Variants in PRRG2 observed in about 807,000 individuals in gnomAD.
PRRG2 encodes the protein transmembrane gamma-carboxyglutamic acid protein 2.
Under a neutral mutation model 27.1 loss-of-function variants are expected in PRRG2, and 23 were observed. The ratio of observed to expected loss-of-function variants is 0.85; its 90% CI spans 0.61 to 1.20. The LOEUF (loss-of-function observed/expected upper bound fraction) is 1.20, where lower values mean the gene tolerates loss of function less well. Among genes scored for constraint, PRRG2 ranks in the 50% most tolerant of loss-of-function variants. The probability of loss-of-function intolerance (pLI) is 0.00; values close to 1 mark genes in which losing one functional copy is unlikely to be tolerated. For missense variants in PRRG2, 276 were observed against 254.8 expected, an observed-to-expected ratio of 1.08 and a Z score of -0.57; for synonymous variants, 104 against 103.4, an observed-to-expected ratio of 1.01 and a Z score of -0.03.
At chr19:49,582,740 C>CA (rs2080637181) in intron 1 of PRRG2, among the ~76,000 whole-genome samples, 2 of 151,930 alleles carry the variant, frequency 1.3e-5, no homozygotes, top group Non-Finnish European at 2.9e-5. Flanking sequence ...TGGTGGCCGG[C>CA]ACCTGTAGTC....
At chr19:49,584,619 T>C (rs2890072) in intron 4 of PRRG2, among the ~76,000 whole-genome samples, 54,799 of 151,994 alleles carry the variant, frequency 0.36, 12,077 homozygotes, top group African/African-American at 0.63. Flanking sequence ...CAGGCACACA[T>C]TACCATGGTA....
chr19:49,590,714 C>A lies in PRRG2; in HGVS notation c.*325C>A. On this transcript the variant is annotated 3_prime_UTR_variant, in exon 7 of 7. Coordinates refer to ENST00000246794, the MANE Select transcript of PRRG2 (RefSeq NM_000951.3). Reference sequence around the variant, plus strand: ...AGGAGCCCAGCCCCGGCTGTGCCATCTTGTGTATGGGCAGATATGACCTGA... The same window carrying A: ...AGGAGCCCAGCCCCGGCTGTGCCATATTGTGTATGGGCAGATATGACCTGA... 1 of 447,722 alleles carries A rather than the reference C, an allele frequency of 2.2e-6. No individual in the cohort carries two copies. Among genetic ancestry groups the A allele is most frequent in the Non-Finnish European group, 4.1e-6 (1 of 245,064 alleles). The allele number at this position is 447,722 out of a possible 1,614,324, so 27.7% of individuals were successfully genotyped here.
chr19:49,583,868 G>A, intron 3 of PRRG2, 45 bp from the exon 4 acceptor site: 13 of 1,609,148 alleles, frequency 8.1e-6, no homozygotes, highest in Non-Finnish European at 1.1e-5. Context: ...CCTCCCAGCT[G>A]AATTCCTGCT....
At chr19:49,583,141 C>A in intron 1 of PRRG2, 66 bp from the exon 2 acceptor site, 1 of 1,346,836 alleles carries the variant, frequency 7.4e-7, no homozygotes, top group Non-Finnish European at 1.0e-6. Flanking sequence ...AGAGGCCAGT[C>A]AGAGAGGCAC....
upstream of PRRG2, among the ~76,000 whole-genome samples, chr19:49,581,082 TACCTAGAG>T (rs888420411): frequency 3.2e-4 from 49 of 152,162 alleles, no homozygotes; most frequent in African/African-American, 1.1e-3. Flanking sequence ...AGTTTCTAGA[TACCTAGAG>T]ACCTAGATAT....
intron 5 of PRRG2, among the ~76,000 whole-genome samples, chr19:49,589,014 T>C (rs572892866): frequency 3.3e-4 from 50 of 151,798 alleles, no homozygotes; most frequent in South Asian, 1.2e-3. Flanking sequence ...AGCACCTGAG[T>C]GGGTGTGGGA....
chr19:49,589,997 G>A lies in PRRG2; in HGVS notation c.535G>A (p.Glu179Lys). The A allele has an allele frequency of 6.7e-7, 1 of 1,490,938 alleles. No individual in the cohort carries two copies. The highest frequency in any genetic ancestry group is 9.0e-7 in the Non-Finnish European group (1 of 1,115,050). The allele number at this position is 1,490,938 out of a possible 1,614,324, so 92.4% of individuals were successfully genotyped here. ...PPPPPGLPTYEQALAASGVHD... is the reference protein window; with the variant it reads ...PPPPPGLPTYKQALAASGVHD... The stretch of plus-strand genomic sequence containing the variant: ...CCCACCCCCAGGCCTCCCCACCTAT[G>A]AGCAGGCGCTGGCAGCCTCTGGGGT... The change falls in exon 6 of 7, where the codon GAG becomes AAG. Residue 179 changes from glutamate (E) to lysine (K), a missense_variant. Glu to Lys is a moderately conservative substitution (Grantham distance 56, BLOSUM62 1). Coordinates refer to ENST00000246794, the MANE Select transcript of PRRG2 (RefSeq NM_000951.3).
intron 4 of PRRG2, among the ~76,000 whole-genome samples, chr19:49,588,165 T>C (rs1006505006): frequency 3.9e-5 from 6 of 151,966 alleles, no homozygotes; most frequent in Non-Finnish European, 8.8e-5. Context: ...GGTTTCACCA[T>C]GTTGGCCAGG....
Position 49,589,971 on chromosome 19 carries a change from C to T in PRRG2, c.509C>T (p.Pro170Leu). Reference protein sequence around the residue: ...GPPTPLPPPPPPPPGLPTYEQ... With the variant: ...GPPTPLPPPPLPPPGLPTYEQ... Reference sequence around the variant, plus strand: ...CCGACGCCCCTGCCTCCACCCCCACCCCCACCCCCAGGCCTCCCCACCTAT... The same window carrying T: ...CCGACGCCCCTGCCTCCACCCCCACTCCCACCCCCAGGCCTCCCCACCTAT... The change falls in exon 6 of 7, where the codon CCC becomes CTC. Residue 170 changes from proline (P) to leucine (L), a missense_variant. By Grantham distance (98) the Pro-to-Leu change is moderately conservative. Coordinates refer to ENST00000246794, the MANE Select transcript of PRRG2 (RefSeq NM_000951.3). 6.5e-7 allele frequency: 1 copy of T among 1,547,120 alleles called. No homozygotes were observed. Among genetic ancestry groups the T allele is most frequent in the Admixed American group, 1.9e-5 (1 of 52,486 alleles).
At position 49,583,638 on chromosome 19, in the gene PRRG2, G is replaced by A. The variant is rs746132327; in HGVS notation, c.182G>A (p.Gly61Glu). 77 of 1,614,094 alleles carry A rather than the reference G, an allele frequency of 4.8e-5. No homozygotes were observed. Among genetic ancestry groups the A allele is most frequent in the Non-Finnish European group, 1.1e-5 (13 of 1,180,046 alleles). ...NHWDLELLTP[G>E]NLERECLEER... ...TGGGACCTGGAGCTGCTCACACCAG[G>A]GAACCTGGAACGGGAGTGTCTGGAA... The change falls in exon 3 of 7, where the codon GGG becomes GAG. Residue 61 changes from glycine to glutamate, a missense_variant. Physicochemically the swap from Gly to Glu is moderately conservative, Grantham distance 98. Coordinates refer to ENST00000246794, the MANE Select transcript of PRRG2 (RefSeq NM_000951.3).
intron 6 of PRRG2, 36 bp from the exon 7 acceptor site, chr19:49,590,335 G>T (rs771872980): frequency 1.9e-6 from 3 of 1,613,962 alleles, no homozygotes; most frequent in Admixed American, 1.7e-5. Flanking sequence ...AAAACAGCCA[G>T]ATCTTTGACT....
chr19:49,586,678 C>T (rs1350798827), intron 4 of PRRG2, among the ~76,000 whole-genome samples: 2 of 152,184 alleles, frequency 1.3e-5, no homozygotes. Context: ...TAGTGAAACC[C>T]CGTCTCTACT....
chr19:49,589,841 C>T (rs1466635509), intron 5 of PRRG2, 59 bp from the exon 6 acceptor site: 4 of 1,574,922 alleles, frequency 2.5e-6, no homozygotes, highest in African/African-American at 2.7e-5. Flanking sequence ...CCCTCTCTTC[C>T]TCCCTAGTCT....
In PRRG2 at chr19:49,588,496, G is replaced by C. The variant is rs759284728; in HGVS notation, c.302-1G>C. On this transcript the variant is annotated splice_acceptor_variant, in intron 4 of 6. Coordinates refer to ENST00000246794, the MANE Select transcript of PRRG2 (RefSeq NM_000951.3). LOFTEE classifies it high-confidence loss of function. ...GTCTCCCCTTCCCTACTTTCCTGCA[G>C]GGCGTGGACGAGTGGATGTGGCCAG... 10 of 1,590,766 alleles carry C rather than the reference G, an allele frequency of 6.3e-6. No homozygotes were observed. The highest frequency in any genetic ancestry group is 1.8e-5 in the Admixed American group (1 of 56,538).
intron 1 of PRRG2, among the ~76,000 whole-genome samples, chr19:49,582,786 T>C (rs887528149): frequency 3.9e-5 from 6 of 152,134 alleles, no homozygotes; most frequent in African/African-American, 1.4e-4. Flanking sequence ...GAGAATGGCA[T>C]GAACCTGGGG....
At chr19:49,587,657 G>A (rs972409343) in intron 4 of PRRG2, among the ~76,000 whole-genome samples, 27 of 151,484 alleles carry the variant, frequency 1.8e-4, no homozygotes, top group African/African-American at 6.3e-4. Context: ...GGATAATTTT[G>A]TATTTTTAGT....
intron 2 of PRRG2, 90 bp from the exon 3 acceptor site, chr19:49,583,452 C>T: frequency 6.5e-7 from 1 of 1,536,390 alleles, no homozygotes; most frequent in Middle Eastern, 1.7e-4. Flanking sequence ...GCCCCTGCTC[C>T]TTCCTCCAGG....
chr19:49,588,087 A>C (rs571234712), intron 4 of PRRG2, among the ~76,000 whole-genome samples: 12 of 151,758 alleles, frequency 7.9e-5, no homozygotes, highest in Admixed American at 7.9e-4. Context: ...TCAGCCTCCC[A>C]GATAACTGGG....
chr19:49,580,970 T>TG (rs2080617996), upstream of PRRG2, among the ~76,000 whole-genome samples: 1 of 152,170 alleles, frequency 6.6e-6, no homozygotes, highest in South Asian at 2.1e-4. Flanking sequence ...ACAGAGCCAT[T>TG]GGGAAATTGA....
Sources: allele counts gnomAD v4.1 joint callset (sites outside exome capture counted in the v4.1 genomes callset), GRCh38; gene constraint gnomAD v4.1.1; transcripts MANE v1.5; gene names NCBI Gene and HGNC (gene_info 2026-07-23, HGNC 2026-07-21).